Variants in GPHN observed in about 807,000 individuals in gnomAD.
GPHN encodes gephyrin.
A neutral mutation model predicts 95.5 loss-of-function variants in GPHN; 17 were observed. That is an observed-to-expected ratio of 0.18 (90% confidence interval 0.12 to 0.27). The LOEUF is 0.27. GPHN is among the 10% of genes least tolerant of loss of function. The pLI is 1.00. For synonymous variants in GPHN, 320 were observed against 322.5 expected, an observed-to-expected ratio of 0.99 and a Z score of 0.08; for missense variants, 660 against 978.1, an observed-to-expected ratio of 0.67 and a Z score of 4.34.
intron 3 of GPHN, among the ~76,000 whole-genome samples, chr14:66,815,143 A>C (rs1006646825): frequency 1.3e-5 from 2 of 152,212 alleles, no homozygotes; most frequent in Admixed American, 6.5e-5. Flanking sequence ...GGAATGAACA[A>C]AACTTCCAAG....
chr14:67,182,477 G>C (rs1222985785), downstream of GPHN, among the ~76,000 whole-genome samples: 1 of 152,196 alleles, frequency 6.6e-6, no homozygotes, highest in Admixed American at 6.6e-5. Context: ...ATTTGATACT[G>C]ATATGTGATA....
chr14:67,324,897 A>ATTTTTTT, the GPHN span, among the ~76,000 whole-genome samples: 19 of 76,328 alleles, frequency 2.5e-4, no homozygotes, highest in East Asian at 4.4e-4. Context: ...CCTTCCTTTC[A>ATTTTTTT]TTTTTTTTTT....
At chr14:67,443,503 G>A in the GPHN span, among the ~76,000 whole-genome samples, 12 of 152,040 alleles carry the variant, frequency 7.9e-5, no homozygotes, top group African/African-American at 1.9e-4. Flanking sequence ...GGGAATGACA[G>A]GTAGTCCTGT....
chr14:66,723,982 TACATACACACACACACACACAC>T (rs1384016262), intron 2 of GPHN, among the ~76,000 whole-genome samples: 1 of 143,146 alleles, frequency 7.0e-6, no homozygotes, highest in Non-Finnish European at 1.5e-5. Context: ...ATGTCATGCA[TACATACACACACACACACACAC>T]ACACACACAC....
chr14:67,669,570 G>A, the GPHN span, among the ~76,000 whole-genome samples: 147,661 of 152,204 alleles, frequency 0.97, 71,762 homozygotes, highest in East Asian at 1. Flanking sequence ...CCTGGCCCCC[G>A]TATGTTATTT....
intron 1 of GPHN, among the ~76,000 whole-genome samples, chr14:66,525,886 T>C (rs1310269501): frequency 1.3e-5 from 2 of 152,234 alleles, no homozygotes; most frequent in Admixed American, 6.5e-5. Context: ...TTGGTTACTG[T>C]AGCCTTGTAG....
intron 1 of GPHN, among the ~76,000 whole-genome samples, chr14:66,661,236 A>G (rs773222190): frequency 6.6e-6 from 1 of 152,194 alleles, no homozygotes; most frequent in Non-Finnish European, 1.5e-5. Flanking sequence ...GCCCCCAGCA[A>G]CAGAGTTGTA....
rs1343166525 is a variant in GPHN, at chr14:67,087,140, T to TA, written c.1145-1842dup. On this transcript the variant is annotated intron_variant, in intron 11 of 22. Transcript: ENST00000478722. ...TAAGTGAGATTATATATGTGATTCA[T>TA]ACAGTGTTAATAAACATTTACTGTA... Among the ~76,000 whole-genome samples the TA allele has an allele frequency of 2.6e-5, 4 of 152,062 alleles. No individual in the cohort carries two copies. The East Asian group carries it at 7.7e-4, about 29-fold the overall frequency.
intron 2 of GPHN, among the ~76,000 whole-genome samples, chr14:66,717,869 C>T (rs2070341087): frequency 6.6e-6 from 1 of 152,194 alleles, no homozygotes; most frequent in Non-Finnish European, 1.5e-5. Context: ...GTCTATGGGT[C>T]TCTCAGCCGT....
chr14:67,695,054 C>A, the GPHN span, among the ~76,000 whole-genome samples: 1 of 152,188 alleles, frequency 6.6e-6, no homozygotes, highest in Non-Finnish European at 1.5e-5. Flanking sequence ...TAACTCAGAT[C>A]CCCCGTGCTC....
At chr14:67,136,548 G>A (rs1463380795) in intron 17 of GPHN, among the ~76,000 whole-genome samples, 1 of 152,086 alleles carries the variant, frequency 6.6e-6, no homozygotes, top group Admixed American at 6.6e-5. Flanking sequence ...CAAATTCTTA[G>A]AATCAGTGAA....
chr14:67,115,202 G>C (rs1474785786), intron 16 of GPHN, among the ~76,000 whole-genome samples: 3 of 151,646 alleles, frequency 2.0e-5, no homozygotes, highest in Non-Finnish European at 4.4e-5. Context: ...GCAGATAATT[G>C]GGTACCTCTG....
intron 3 of GPHN, among the ~76,000 whole-genome samples, chr14:66,821,452 C>G (rs2061186424): frequency 1.3e-5 from 2 of 152,306 alleles, no homozygotes; most frequent in Non-Finnish European, 2.9e-5. Context: ...CTTTTAGTAA[C>G]AAGATTCTAG....
chr14:67,451,711 T>C, the GPHN span, among the ~76,000 whole-genome samples: 4 of 152,202 alleles, frequency 2.6e-5, no homozygotes, highest in African/African-American at 7.2e-5. Flanking sequence ...TTTTACAGGC[T>C]CATAGATAGA....
At chr14:66,743,176 TAG>T (rs913080734) in intron 2 of GPHN, among the ~76,000 whole-genome samples, 2 of 138,178 alleles carry the variant, frequency 1.4e-5, no homozygotes, top group Admixed American at 7.3e-5. Flanking sequence ...ATTCCCTGTG[TAG>T]AGAGTTCTTT....
intron 5 of GPHN, among the ~76,000 whole-genome samples, chr14:66,914,064 A>T (rs1247291498): frequency 6.6e-6 from 1 of 152,064 alleles, no homozygotes; most frequent in Non-Finnish European, 1.5e-5. Context: ...AAAAAAAAAA[A>T]TTGATGGGAA....
chr14:66,855,734 T>C (rs1436037436), intron 4 of GPHN, among the ~76,000 whole-genome samples: 2 of 152,180 alleles, frequency 1.3e-5, no homozygotes, highest in South Asian at 4.1e-4. Context: ...TTAGTTCTTA[T>C]ACTATAGATA....
chr14:67,320,956 A>G, the GPHN span: 1 of 913,790 alleles, frequency 1.1e-6, no homozygotes, highest in African/African-American at 1.7e-5. Context: ...ATTATTTTAT[A>G]ATCTGTGTTA....
At chr14:67,129,772 A>G (rs372713304) in intron 17 of GPHN, among the ~76,000 whole-genome samples, 10 of 149,222 alleles carry the variant, frequency 6.7e-5, no homozygotes, top group Admixed American at 2.7e-4. Context: ...GAAAGAAAGA[A>G]AGAGAGAAAG....
Sources: gnomAD v4.1 joint callset for allele counts (sites outside exome capture counted in the v4.1 genomes callset) on GRCh38, gnomAD v4.1.1 for gene constraint, MANE v1.5 for transcripts, NCBI Gene and HGNC (gene_info 2026-07-23, HGNC 2026-07-21) for gene names.